Variants in PCDHGB7 observed in about 807,000 individuals in gnomAD.
PCDHGB7 encodes protocadherin gamma-B7.
PCDHGB7 carries 37 observed loss-of-function variants against 61.4 expected under a neutral mutation model. The observed-to-expected ratio is 0.60, with a 90% CI of 0.46 to 0.79. PCDHGB7 has a LOEUF of 0.79. Among genes scored for constraint, PCDHGB7 ranks in the 30% least tolerant of loss-of-function variants. The probability of loss-of-function intolerance (pLI) is 0.00; values close to 1 mark genes in which losing one functional copy is unlikely to be tolerated. For synonymous variants in PCDHGB7, 464 were observed against 503.5 expected, an observed-to-expected ratio of 0.92 and a Z score of 1.05; for missense variants, 1,166 against 1,202.5, an observed-to-expected ratio of 0.97 and a Z score of 0.45.
Position 141,423,156 on chromosome 5 carries a change from CGTG to C in PCDHGB7, c.2415+2887_2415+2889del, listed in dbSNP as rs776903094. On this transcript the variant is annotated intron_variant, in intron 1 of 3. Coordinates refer to ENST00000398594, the MANE Select transcript of PCDHGB7 (RefSeq NM_018927.4). ...ACAGAGACGCGCTCAAGCAGAGCCT[CGTG>C]GTGGCCGTCCAGGACCACGGCCAGC... 8.2e-4 allele frequency: 1,328 copies of C among 1,613,396 alleles called. 15 individuals are homozygous for C. Among genetic ancestry groups the C allele is most frequent in the Admixed American group, 9.5e-4 (57 of 60,016 alleles).
intron 1 of PCDHGB7, among the ~76,000 whole-genome samples, chr5:141,434,029 A>C (rs970204484): frequency 2.6e-5 from 4 of 152,126 alleles, no homozygotes; most frequent in Admixed American, 2.6e-4. Context: ...TTCTGGAAGC[A>C]TGGTTTTCTA....
At chr5:141,421,489 G>T (rs754141447) in intron 1 of PCDHGB7, 9 of 1,614,094 alleles carry the variant, frequency 5.6e-6, no homozygotes, top group Non-Finnish European at 7.6e-6. Context: ...CTTGATCACG[G>T]CAGGCAGGAT....
intron 2 of PCDHGB7, among the ~76,000 whole-genome samples, chr5:141,501,334 C>T (rs1462003251): frequency 6.9e-6 from 1 of 145,376 alleles, no homozygotes; most frequent in Non-Finnish European, 1.5e-5. Context: ...CACACACACA[C>T]CCCAAACTCA....
chr5:141,449,484 A>G (rs1003440539), intron 1 of PCDHGB7, among the ~76,000 whole-genome samples: 2 of 150,848 alleles, frequency 1.3e-5, no homozygotes, highest in Non-Finnish European at 3.0e-5. Context: ...CCCCATGCCT[A>G]AGGGTGAGGC....
chr5:141,504,315 A>G (rs573050088), intron 2 of PCDHGB7, among the ~76,000 whole-genome samples: 1 of 152,248 alleles, frequency 6.6e-6, no homozygotes, highest in East Asian at 1.9e-4. Flanking sequence ...AGTTTCTAAA[A>G]GTCTCACTTA....
rs11953770 is a variant in PCDHGB7 at position 141,510,741 on chromosome 5, C to T, written c.2564-206C>T. On this transcript the variant is annotated intron_variant, in intron 3 of 3. Coordinates refer to ENST00000398594, the MANE Select transcript of PCDHGB7 (RefSeq NM_018927.4). ...TAAGGAAAGGAGCTAGGAATCAAACCTAGACTTTCTCACTCCAGAGCCTCT... is the reference window on the plus strand; with the variant it reads ...TAAGGAAAGGAGCTAGGAATCAAACTTAGACTTTCTCACTCCAGAGCCTCT... Among the ~76,000 whole-genome samples the T allele has an allele frequency of 2.6e-5, 4 of 152,138 alleles. No homozygotes were observed. In the South Asian group the frequency reaches 8.3e-4, roughly 32 times the overall value.
chr5:141,455,244 T>C (rs977940552), intron 1 of PCDHGB7, among the ~76,000 whole-genome samples: 1 of 152,142 alleles, frequency 6.6e-6, no homozygotes, highest in Admixed American at 6.5e-5. Flanking sequence ...TTAAAGGTCA[T>C]AGTACAATCG....
At position 141,486,348 on chromosome 5, in the gene PCDHGB7, A is replaced by G. The variant is rs754981437; in HGVS notation, c.2416-8459A>G. ...GATGTGAGCCTCCGCATTCCTGACC[A>G]CTTGCCATTTGCCCTCAAGTCTGCC... is the stretch of plus-strand genomic sequence containing the variant. On this transcript the variant is annotated intron_variant, in intron 1 of 3. Transcript: ENST00000398594. The surrounding 1 kb of genome is among the most constrained non-coding windows in gnomAD (Gnocchi z 5.0). 1.9e-6 allele frequency: 3 copies of G among 1,613,900 alleles called. No individual in the cohort carries two copies. The highest frequency in any genetic ancestry group is 2.5e-6 in the Non-Finnish European group (3 of 1,179,996).
rs2099413746 is a variant in PCDHGB7, at chr5:141,477,589, G to A, written c.2416-17218G>A. ...ACCCCGACGCCCCGCAGAATGCTCGGCTTTCTTTCTTTCTCTTGGAGCAAG... is the reference window on the plus strand; with the variant it reads ...ACCCCGACGCCCCGCAGAATGCTCGACTTTCTTTCTTTCTCTTGGAGCAAG... On this transcript the variant is annotated intron_variant, in intron 1 of 3. Transcript: ENST00000398594. The surrounding 1 kb of genome is among the most constrained non-coding windows in gnomAD (Gnocchi z 4.9). 1 of 1,614,012 alleles carries A rather than the reference G, an allele frequency of 6.2e-7. No individual in the cohort carries two copies. The highest frequency in any genetic ancestry group is 1.1e-5 in the South Asian group (1 of 91,090).
chr5:141,502,238 T>C (rs2099813398), intron 2 of PCDHGB7, among the ~76,000 whole-genome samples: 1 of 152,204 alleles, frequency 6.6e-6, no homozygotes, highest in Admixed American at 6.5e-5. Flanking sequence ...TGTGTTCTTT[T>C]ATCCTTTTTT....
chr5:141,427,875 C>A, intron 1 of PCDHGB7: 1 of 1,560,408 alleles, frequency 6.4e-7, no homozygotes. Flanking sequence ...GCTCACGATG[C>A]AGGCCCACGA....
intron 3 of PCDHGB7, among the ~76,000 whole-genome samples, chr5:141,510,162 A>C (rs947806998): frequency 6.6e-6 from 1 of 151,838 alleles, no homozygotes; most frequent in Non-Finnish European, 1.5e-5. Flanking sequence ...AATCTCAGCT[A>C]CTCAGGAGGT....
At chr5:141,443,498 C>G (rs1217918256) in intron 1 of PCDHGB7, among the ~76,000 whole-genome samples, 3 of 152,036 alleles carry the variant, frequency 2.0e-5, no homozygotes, top group Non-Finnish European at 4.4e-5. Context: ...AACAAACAAA[C>G]AAATAAAGAG....
chr5:141,449,098 G>A (rs1314761371), intron 1 of PCDHGB7, among the ~76,000 whole-genome samples: 1 of 152,140 alleles, frequency 6.6e-6, no homozygotes, highest in Admixed American at 6.5e-5. Context: ...TTTTACATAT[G>A]CAGTATATCT....
chr5:141,423,267 G>A (rs530404769), intron 1 of PCDHGB7: 1 of 1,613,710 alleles, frequency 6.2e-7, no homozygotes, highest in Non-Finnish European at 8.5e-7. Flanking sequence ...GCAGCCTCGA[G>A]TCTCTGGCTA....
intron 2 of PCDHGB7, among the ~76,000 whole-genome samples, chr5:141,496,097 A>C (rs1329818315): frequency 6.6e-6 from 1 of 151,148 alleles, no homozygotes; most frequent in Non-Finnish European, 1.5e-5. Context: ...CCACCCACCA[A>C]CACCCCGCTC....
rs1256260275 is a variant in PCDHGB7, at chr5:141,418,778, T to A, written c.919T>A (p.Leu307Met). 6.2e-7 allele frequency: 1 copy of A among 1,613,626 alleles called. No homozygotes were observed. The highest frequency in any genetic ancestry group is 2.2e-5 in the East Asian group (1 of 44,898). ...AGGAAACATTCTAACTCAGCAGCCT[T>A]TGGATTTTGAAGAAGTAGAAAGATA... is the stretch of plus-strand genomic sequence containing the variant. Reference protein sequence around the residue: ...TTGNILTQQPLDFEEVERYTI... With the variant: ...TTGNILTQQPMDFEEVERYTI... The change falls in exon 1 of 4, where the codon TTG (leucine) becomes ATG (methionine). Residue 307 changes from leucine (L) to methionine (M), a missense_variant. By Grantham distance (15) the Leu-to-Met change is conservative. Transcript: ENST00000398594.
At chr5:141,428,184 C>A in intron 1 of PCDHGB7, 32 of 1,463,670 alleles carry the variant, frequency 2.2e-5, no homozygotes, top group Non-Finnish European at 3.0e-5. Context: ...GGAGGACAGC[C>A]GCCGCTCTCT....
At chr5:141,478,963 A>G (rs193236728) in intron 1 of PCDHGB7, among the ~76,000 whole-genome samples, 5 of 152,322 alleles carry the variant, frequency 3.3e-5, no homozygotes, top group East Asian at 1.9e-4. Context: ...TCATTCCTCC[A>G]CCTTTCAAGT....
Sources: allele counts gnomAD v4.1 joint callset (sites outside exome capture counted in the v4.1 genomes callset), GRCh38; gene constraint gnomAD v4.1.1; non-coding constraint Gnocchi (gnomAD v3.1); transcripts MANE v1.5; gene names NCBI Gene and HGNC (gene_info 2026-07-23, HGNC 2026-07-21).